MAVS: variants seen among roughly 807,000 people sequenced by gnomAD.
The protein encoded by MAVS is mitochondrial antiviral signaling protein.
A neutral mutation model predicts 30.2 loss-of-function variants in MAVS; 20 were observed. The ratio of observed to expected loss-of-function variants is 0.66; its 90% CI spans 0.47 to 0.96. The LOEUF (loss-of-function observed/expected upper bound fraction) is 0.96, where lower values mean the gene tolerates loss of function less well. Among genes scored for constraint, MAVS ranks in the 40% least tolerant of loss-of-function variants. The pLI, the probability that MAVS is intolerant of heterozygous loss-of-function variation, is 0.00. For missense variants in MAVS, 624 were observed against 701.1 expected (o/e 0.89, Z 1.24); for synonymous variants, 278 against 293.9 (o/e 0.95, Z 0.55).
Position 3,857,648 on chromosome 20 carries a change from C to A in MAVS, c.131C>A (p.Ala44Asp), listed in dbSNP as rs946873338. ...LTARDQDRLR[A>D]TCTLSGNRDT... ...TGTGTCTTCCAGGATCGACTGCGGGCCACCTGCACACTCTCAGGGAACCGG... is the reference window on the plus strand; with the variant it reads ...TGTGTCTTCCAGGATCGACTGCGGGACACCTGCACACTCTCAGGGAACCGG... Residue 44 changes from alanine to aspartate, a missense_variant, in exon 3 of 7, where the codon GCC becomes GAC. Transcript: ENST00000428216. The A allele has an allele frequency of 3.7e-6, 6 of 1,611,910 alleles. No individual in the cohort carries two copies. Among genetic ancestry groups the A allele is most frequent in the Non-Finnish European group, 5.1e-6 (6 of 1,178,614 alleles).
intron 1 of MAVS, among the ~76,000 whole-genome samples, chr20:3,848,382 A>T (rs540360682): frequency 5.3e-5 from 8 of 152,156 alleles, no homozygotes; most frequent in African/African-American, 1.4e-4. Context: ...TCCAGGCGTG[A>T]GCCACCGCGC....
At position 3,864,343 on chromosome 20, in the gene MAVS, G is replaced by A; in HGVS notation, c.713G>A (p.Ser238Asn). 6.2e-7 allele frequency: 1 copy of A among 1,613,404 alleles called. No individual in the cohort carries two copies. Residue 238 changes from serine (S) to asparagine (N), a missense_variant, in exon 6 of 7, where the codon AGC becomes AAC. Coordinates refer to ENST00000428216, the MANE Select transcript of MAVS (RefSeq NM_020746.5). ...CTGGCCCGTTCCACCCCCAGGGCAA[G>A]CCGCTTGCCTGGACCCACAGGGTCA... is the stretch of plus-strand genomic sequence containing the variant. ...QPLARSTPRA[S>N]RLPGPTGSVV... is the part of the protein sequence containing the mutation.
At chr20:3,859,515 A>AG (rs1463691669) in intron 3 of MAVS, among the ~76,000 whole-genome samples, 2 of 117,464 alleles carry the variant, frequency 1.7e-5, no homozygotes, top group African/African-American at 3.7e-5. Context: ...CTCCAAAAAA[A>AG]AAAAACCCAA....
In MAVS at chr20:3,874,467, T is replaced by TGA; in HGVS notation, c.*8320_*8321insGA. On this transcript the variant is annotated 3_prime_UTR_variant, in exon 7 of 7. Coordinates refer to ENST00000428216, the MANE Select transcript of MAVS (RefSeq NM_020746.5). ...CATGATTGCTTGTATTTGGCAGGGG[T>TGA]CAAAGGCAGGCAGGGACTGTGAAAT... is the stretch of plus-strand genomic sequence containing the variant. 1 of 374,594 alleles carries TGA rather than the reference T, an allele frequency of 2.7e-6. No homozygotes were observed. Among genetic ancestry groups the TGA allele is most frequent in the Non-Finnish European group, 4.7e-6 (1 of 210,940 alleles). 23.2% of individuals were successfully genotyped at this position (374,594 alleles called of 1,614,324 possible). A position where few individuals can be genotyped will look rare whatever the true frequency, so the allele number is the denominator to read the frequency against.
chr20:3,859,323 T>C lies in MAVS; in HGVS notation c.292+1514T>C, dbSNP rs542010854. Among the ~76,000 whole-genome samples the C allele has an allele frequency of 4.6e-5, 7 of 151,942 alleles. No homozygotes were observed. In the East Asian group the frequency reaches 5.8e-4, roughly 13 times the overall value. On this transcript the variant is annotated intron_variant, in intron 3 of 6. Coordinates refer to ENST00000428216, the MANE Select transcript of MAVS (RefSeq NM_020746.5). ...GAGTTCGAGACCAGCCTGGCCAATA[T>C]GGTGAAACCCTGTCTGTACCAAAAA...
At chr20:3,859,700 C>T (rs1032308108) in intron 3 of MAVS, among the ~76,000 whole-genome samples, 2 of 151,958 alleles carry the variant, frequency 1.3e-5, no homozygotes, top group African/African-American at 4.8e-5. Context: ...TGACTGCTGA[C>T]ACGGCGTGGG....
intron 1 of MAVS, among the ~76,000 whole-genome samples, chr20:3,854,165 G>A (rs974351552): frequency 1.3e-5 from 2 of 151,892 alleles, no homozygotes; most frequent in Non-Finnish European, 2.9e-5. Context: ...GCTCACACCT[G>A]TAATCCCCAA....
At chr20:3,848,299 A>C (rs1238235065) in intron 1 of MAVS, among the ~76,000 whole-genome samples, 4 of 152,064 alleles carry the variant, frequency 2.6e-5, no homozygotes, top group Non-Finnish European at 1.5e-5. Flanking sequence ...GGGTTTCACC[A>C]TGTTGGCCAG....
rs2089929286 is a variant in MAVS at position 3,868,713 on chromosome 20, T to TA, written c.*2572dup. 6.7e-6 allele frequency: 1 copy of TA among 150,100 alleles called. No homozygotes were observed. The highest frequency in any genetic ancestry group is 6.6e-5 in the Admixed American group (1 of 15,054). 9.3% of individuals were successfully genotyped at this position (150,100 alleles called of 1,614,324 possible). On this transcript the variant is annotated 3_prime_UTR_variant, in exon 7 of 7. Transcript: ENST00000428216. Reference sequence around the variant, plus strand: ...AATGTTAGCACACTACCAGCCTAGGTAAAAAATACAAAAAGTAACTGGGCA... The same window carrying TA: ...AATGTTAGCACACTACCAGCCTAGGTAAAAAAATACAAAAAGTAACTGGGCA...
intron 2 of MAVS, among the ~76,000 whole-genome samples, chr20:3,855,788 T>A (rs6116070): frequency 0.39 from 58,645 of 151,688 alleles, 11,814 homozygotes; most frequent in East Asian, 0.68. Context: ...CTTTAAAAAA[T>A]TTTTTTTTGA....
Position 3,857,682 on chromosome 20 carries a change from C to G in MAVS, c.165C>G (p.Leu55=). The part of the protein sequence containing the change: ...TCTLSGNRDT[L]WHLFNTLQRR... Reference sequence around the variant, plus strand: ...CACTCTCAGGGAACCGGGACACCCTCTGGCATCTCTTCAATACCCTTCAGC... The same window carrying G: ...CACTCTCAGGGAACCGGGACACCCTGTGGCATCTCTTCAATACCCTTCAGC... Residue 55 remains leucine, a synonymous_variant, in exon 3 of 7, where the codon CTC becomes CTG. Transcript: ENST00000428216. 6.2e-7 allele frequency: 1 copy of G among 1,614,244 alleles called. No individual in the cohort carries two copies. Among genetic ancestry groups the G allele is most frequent in the Non-Finnish European group, 8.5e-7 (1 of 1,180,046 alleles).
chr20:3,864,208 G>A lies in MAVS; in HGVS notation c.626-48G>A, dbSNP rs1162128912. On this transcript the variant is annotated intron_variant, in intron 5 of 6. Transcript: ENST00000428216. ...GAGGGACCCTTCTCCAGGCCTCAAG[G>A]TAATGGTCTTTGGGTCTGTGTTTCC... 3.2e-6 allele frequency: 5 copies of A among 1,557,220 alleles called. No homozygotes were observed. The Admixed American group carries it at 5.6e-5, about 17-fold the overall frequency.
In MAVS at chr20:3,858,506, C is replaced by T. The variant is rs369798605; in HGVS notation, c.292+697C>T. Among the ~76,000 whole-genome samples the T allele has an allele frequency of 3.2e-4, 49 of 151,894 alleles. 1 individual carries two copies. Among genetic ancestry groups the T allele is most frequent in the Non-Finnish European group, 5.3e-4 (36 of 67,950 alleles). On this transcript the variant is annotated intron_variant, in intron 3 of 6. Transcript: ENST00000428216. ...CACCCTGGCTAAAACAGTGAAACCC[C>T]GTCTCTACTAAAAATACAGAAAATT...
At chr20:3,852,136 AG>A (rs2089766847) in intron 1 of MAVS, among the ~76,000 whole-genome samples, 1 of 151,512 alleles carries the variant, frequency 6.6e-6, no homozygotes, top group South Asian at 2.1e-4. Flanking sequence ...CTGGGACTAC[AG>A]GCACCCGCCA....
chr20:3,848,122 T>C (rs2089723855), intron 1 of MAVS, among the ~76,000 whole-genome samples: 1 of 151,560 alleles, frequency 6.6e-6, no homozygotes, highest in South Asian at 2.1e-4. Context: ...TTTTTTGAAA[T>C]GGAGTCTCAC....
chr20:3,848,468 C>T (rs1424656549), intron 1 of MAVS, among the ~76,000 whole-genome samples: 1 of 152,228 alleles, frequency 6.6e-6, no homozygotes, highest in Non-Finnish European at 1.5e-5. Context: ...AGGACCCCCG[C>T]CTCACCTTCC....
chr20:3,849,621 C>G (rs1016781646), intron 1 of MAVS, among the ~76,000 whole-genome samples: 1 of 152,224 alleles, frequency 6.6e-6, no homozygotes, highest in Non-Finnish European at 1.5e-5. Flanking sequence ...AAACACCAAT[C>G]TTCTCAGAGC....
At chr20:3,859,470 T>C (rs977310503) in intron 3 of MAVS, among the ~76,000 whole-genome samples, 12 of 145,370 alleles carry the variant, frequency 8.3e-5, no homozygotes, top group Admixed American at 2.8e-4. Context: ...ATTGCGCCAC[T>C]GCACTCCAGC....
At chr20:3,864,218 T>C (rs1411608761) in intron 5 of MAVS, 38 bp from the exon 6 acceptor site, 2 of 1,572,712 alleles carry the variant, frequency 1.3e-6, no homozygotes, top group Non-Finnish European at 1.7e-6. Context: ...GTAATGGTCT[T>C]TGGGTCTGTG....
Sources: allele counts gnomAD v4.1 joint callset (sites outside exome capture counted in the v4.1 genomes callset), GRCh38; gene constraint gnomAD v4.1.1; transcripts MANE v1.5; gene names NCBI Gene and HGNC (gene_info 2026-07-23, HGNC 2026-07-21).